The following PDE7B variants were observed in gnomAD, a reference collection of about 807,000 sequenced individuals.
PDE7B encodes the protein 3',5'-cyclic-AMP phosphodiesterase 7B.
Under a neutral mutation model 56.2 loss-of-function variants are expected in PDE7B, and 29 were observed. The ratio of observed to expected loss-of-function variants is 0.52; its 90% CI spans 0.38 to 0.70. The LOEUF (loss-of-function observed/expected upper bound fraction) is 0.70. PDE7B is among the 30% of genes least tolerant of loss of function. The pLI is 0.00. For synonymous variants in PDE7B, 197 were observed against 196.9 expected, an observed-to-expected ratio of 1.00 and a Z score of 0.00; for missense variants, 490 against 565.0, an observed-to-expected ratio of 0.87 and a Z score of 1.35.
intron 2 of PDE7B, 111 bp from the exon 3 acceptor site, chr6:136,108,620 G>A: frequency 1.3e-6 from 1 of 759,208 alleles, no homozygotes; most frequent in South Asian, 1.4e-5. Flanking sequence ...TGGTGAATGG[G>A]AACCATTTTT....
At chr6:135,854,561 G>A (rs997426835) in intron 1 of PDE7B, among the ~76,000 whole-genome samples, 1 of 152,194 alleles carries the variant, frequency 6.6e-6, no homozygotes, top group Non-Finnish European at 1.5e-5. Context: ...ATTTGGAAAT[G>A]TGAGGTCTCT....
At position 136,081,215 on chromosome 6, in the gene PDE7B, T is replaced by C. The variant is rs117173463; in HGVS notation, c.83-27516T>C. 2.0e-4 allele frequency among the ~76,000 whole-genome samples: 30 copies of C among 152,096 alleles called. No individual in the cohort carries two copies. The East Asian group carries it at 4.1e-3, about 21-fold the overall frequency. ...ATTACTGCAGTATGATTTTGGGAGA[T>C]GGACTGAAAGTGAACACACATGAGG... On this transcript the variant is annotated intron_variant, in intron 2 of 12. Coordinates refer to ENST00000308191, the MANE Select transcript of PDE7B (RefSeq NM_018945.4).
chr6:136,181,014 C>G (rs548749272), intron 10 of PDE7B, among the ~76,000 whole-genome samples: 2 of 152,346 alleles, frequency 1.3e-5, no homozygotes, highest in South Asian at 4.1e-4. Flanking sequence ...GCTCTTCTCT[C>G]CTCACTGCTA....
chr6:136,051,077 G>A (rs1185042237), intron 2 of PDE7B, among the ~76,000 whole-genome samples: 3 of 149,196 alleles, frequency 2.0e-5, no homozygotes, highest in Non-Finnish European at 4.5e-5. Flanking sequence ...ATCCTACTCT[G>A]AACCATTGCA....
rs1779272238 is a variant in PDE7B at position 136,193,952 on chromosome 6, G to A, written c.*2112G>A. ...ATTGATGTGGGTAAGAAGGGAGGTT[G>A]TGGAAAGTTAACACTAGCTTTGTAT... On this transcript the variant is annotated 3_prime_UTR_variant, in exon 13 of 13. Transcript: ENST00000308191. The A allele has an allele frequency of 6.6e-6, 1 of 152,188 alleles. No individual in the cohort carries two copies. The highest frequency in any genetic ancestry group is 1.5e-5 in the Non-Finnish European group (1 of 68,038). The allele number at this position is 152,188 out of a possible 1,614,324, so 9.4% of individuals were successfully genotyped here.
chr6:136,104,904 A>G (rs1320634400), intron 2 of PDE7B, among the ~76,000 whole-genome samples: 3 of 152,202 alleles, frequency 2.0e-5, no homozygotes, highest in Non-Finnish European at 4.4e-5. Context: ...CAGCACTGAA[A>G]TGGAATCTTC....
chr6:135,931,959 A>T (rs1040541872), intron 1 of PDE7B, among the ~76,000 whole-genome samples: 1 of 83,202 alleles, frequency 1.2e-5, no homozygotes, highest in African/African-American at 5.0e-5. Context: ...GCGCGCACAC[A>T]CACACACACA....
intron 2 of PDE7B, among the ~76,000 whole-genome samples, chr6:136,073,225 G>A (rs575524363): frequency 2.6e-5 from 4 of 152,294 alleles, no homozygotes; most frequent in African/African-American, 7.2e-5. Flanking sequence ...CTCAACGTGT[G>A]CACAGAGTGC....
In PDE7B at chr6:135,902,884, G is replaced by T. The variant is rs140621979; in HGVS notation, c.22-44580G>T. Reference sequence around the variant, plus strand: ...TGGCTCAATTATCACAGCAACCCTGGAAAGTTGATGTTGTTATTCTCCTCA... The same window carrying T: ...TGGCTCAATTATCACAGCAACCCTGTAAAGTTGATGTTGTTATTCTCCTCA... On this transcript the variant is annotated intron_variant, in intron 1 of 12. Coordinates refer to ENST00000308191, the MANE Select transcript of PDE7B (RefSeq NM_018945.4). 3.1e-3 allele frequency among the ~76,000 whole-genome samples: 469 copies of T among 152,228 alleles called. 6 individuals carry two copies. The highest frequency in any genetic ancestry group is 0.01 in the African/African-American group (432 of 41,538).
At chr6:135,911,814 A>G (rs1405318759) in intron 1 of PDE7B, among the ~76,000 whole-genome samples, 1 of 152,234 alleles carries the variant, frequency 6.6e-6, no homozygotes, top group Non-Finnish European at 1.5e-5. Context: ...GCTAGTACAA[A>G]AAAAGTAAAA....
chr6:136,147,592 C>A, intron 4 of PDE7B, 90 bp downstream of exon 4: 1 of 1,034,100 alleles, frequency 9.7e-7, no homozygotes, highest in South Asian at 1.5e-5. Flanking sequence ...TCCTACTCTG[C>A]CTCTGAGGAG....
intron 1 of PDE7B, among the ~76,000 whole-genome samples, chr6:135,863,559 A>C (rs916493815): frequency 2.6e-5 from 4 of 152,054 alleles, no homozygotes; most frequent in Admixed American, 6.6e-5. Context: ...TTAGGGAAAG[A>C]AATATCTATA....
intron 2 of PDE7B, among the ~76,000 whole-genome samples, chr6:136,015,215 C>G (rs765742744): frequency 6.6e-6 from 1 of 152,200 alleles, no homozygotes; most frequent in East Asian, 1.9e-4. Context: ...CCACAACAGA[C>G]GTCATCAGCT....
chr6:135,913,511 G>C (rs1431705826), intron 1 of PDE7B, among the ~76,000 whole-genome samples: 1 of 152,116 alleles, frequency 6.6e-6, no homozygotes, highest in Non-Finnish European at 1.5e-5. Flanking sequence ...TCCTGGCTTT[G>C]ATCTTGCCAG....
At chr6:135,975,293 A>G (rs1323615446) in intron 2 of PDE7B, among the ~76,000 whole-genome samples, 2 of 152,098 alleles carry the variant, frequency 1.3e-5, no homozygotes, top group Non-Finnish European at 2.9e-5. Flanking sequence ...TGCAACTTAC[A>G]CTTTAGGGGT....
intron 2 of PDE7B, among the ~76,000 whole-genome samples, chr6:136,007,410 A>T (rs1053622765): frequency 6.6e-6 from 1 of 152,112 alleles, no homozygotes; most frequent in Non-Finnish European, 1.5e-5. Context: ...TATCAGGATG[A>T]AATGGGCCTC....
intron 1 of PDE7B, 136 bp downstream of exon 1, chr6:135,852,155 G>T: frequency 1.5e-6 from 1 of 689,530 alleles, no homozygotes. Flanking sequence ...ACAGCAACCA[G>T]CTTTTGAATT....
intron 2 of PDE7B, among the ~76,000 whole-genome samples, chr6:136,062,960 T>G (rs879815754): frequency 1.3e-5 from 2 of 152,180 alleles, no homozygotes; most frequent in African/African-American, 2.4e-5. Flanking sequence ...TGTTTAGATT[T>G]TCTGCTGTCA....
At chr6:135,954,804 A>G (rs1397770608) in intron 2 of PDE7B, among the ~76,000 whole-genome samples, 4 of 152,286 alleles carry the variant, frequency 2.6e-5, no homozygotes, top group African/African-American at 7.2e-5. Flanking sequence ...TTGGAAGTCA[A>G]TATTGCTTTG....
Sources: gnomAD v4.1 joint callset for allele counts (sites outside exome capture counted in the v4.1 genomes callset) on GRCh38, gnomAD v4.1.1 for gene constraint, MANE v1.5 for transcripts, NCBI Gene and HGNC (gene_info 2026-07-23, HGNC 2026-07-21) for gene names.